The following FAM53A variants were observed in gnomAD, a reference collection of about 807,000 sequenced individuals.
FAM53A encodes family with sequence similarity 53 member A.
A neutral mutation model predicts 26.6 loss-of-function variants in FAM53A; 28 were observed. The ratio of observed to expected loss-of-function variants is 1.05; its 90% confidence interval spans 0.78 to 1.45. The LOEUF (loss-of-function observed/expected upper bound fraction) is 1.45, where lower values mean the gene tolerates loss of function less well. Ranked by LOEUF, FAM53A falls within the 40% of genes most tolerant of loss-of-function variation. FAM53A has a pLI of 0.00. For synonymous variants in FAM53A, 290 were observed against 253.1 expected (o/e 1.15, Z -1.38); for missense variants, 650 against 575.8 (o/e 1.13, Z -1.32).
chr4:1,613,327 G>A (rs1173821574), downstream of FAM53A, among the ~76,000 whole-genome samples: 7 of 152,184 alleles, frequency 4.6e-5, no homozygotes, highest in Non-Finnish European at 1.5e-5. Flanking sequence ...CTGTCACCGG[G>A]TCCTCACCCT....
the FAM53A span, among the ~76,000 whole-genome samples, chr4:1,579,348 C>T: frequency 6.6e-6 from 1 of 151,826 alleles, no homozygotes; most frequent in Non-Finnish European, 1.5e-5. Context: ...CCCCTCCCTA[C>T]CCCGGCCGCC....
intron 2 of FAM53A, among the ~76,000 whole-genome samples, chr4:1,667,924 G>C (rs774154984): frequency 2.6e-5 from 4 of 152,156 alleles, no homozygotes; most frequent in Non-Finnish European, 5.9e-5. Context: ...CACCATGACT[G>C]TAGGAAAATC....
the FAM53A span, among the ~76,000 whole-genome samples, chr4:1,576,516 G>A: frequency 6.6e-6 from 1 of 152,234 alleles, no homozygotes; most frequent in Non-Finnish European, 1.5e-5. Flanking sequence ...GTCTAATCAT[G>A]CCATCAGCAC....
chr4:1,625,763 A>G (rs13136402), intron 1 of FAM53A, among the ~76,000 whole-genome samples: 3,162 of 47,494 alleles, frequency 0.067, 30 homozygotes, highest in Middle Eastern at 0.19. Context: ...CCCGGCCCAC[A>G]TGGTCAGGGT....
chr4:1,585,670 G>C, the FAM53A span, among the ~76,000 whole-genome samples: 1 of 152,120 alleles, frequency 6.6e-6, no homozygotes, highest in Admixed American at 6.6e-5. Flanking sequence ...TCTGTGCCTA[G>C]CTTATTTTGC....
At chr4:1,643,262 C>G (rs575959656) in intron 4 of FAM53A, among the ~76,000 whole-genome samples, 12 of 152,008 alleles carry the variant, frequency 7.9e-5, no homozygotes, top group Non-Finnish European at 1.5e-4. Flanking sequence ...GTCAGGAGAT[C>G]AAGACCATCC....
At chr4:1,591,968 G>A in the FAM53A span, among the ~76,000 whole-genome samples, 1 of 152,192 alleles carries the variant, frequency 6.6e-6, no homozygotes, top group Non-Finnish European at 1.5e-5. Flanking sequence ...ACAGTGAAAC[G>A]GGAGAGTGGA....
the FAM53A span, among the ~76,000 whole-genome samples, chr4:1,580,466 G>C: frequency 2.0e-5 from 3 of 152,146 alleles, no homozygotes; most frequent in African/African-American, 7.2e-5. Context: ...CAACAAGCTA[G>C]GGAGAAAGCA....
chr4:1,625,962 A>T (rs921808443), intron 1 of FAM53A, among the ~76,000 whole-genome samples: 1 of 152,166 alleles, frequency 6.6e-6, no homozygotes, highest in African/African-American at 2.4e-5. Flanking sequence ...CTTCCCCAGG[A>T]TCCGCCCATC....
At chr4:1,652,720 ACACT>A (rs1712969663) in intron 4 of FAM53A, among the ~76,000 whole-genome samples, 1 of 148,004 alleles carries the variant, frequency 6.8e-6, no homozygotes, top group African/African-American at 2.5e-5. Flanking sequence ...CACACCACAC[ACACT>A]ACCAGAGACC....
At chr4:1,648,659 T>C (rs1393580035) in intron 4 of FAM53A, among the ~76,000 whole-genome samples, 1 of 152,154 alleles carries the variant, frequency 6.6e-6, no homozygotes, top group Non-Finnish European at 1.5e-5. Flanking sequence ...AGCGGCTGAA[T>C]TTAAGGCAAT....
chr4:1,577,902 C>T, the FAM53A span, among the ~76,000 whole-genome samples: 5 of 110,910 alleles, frequency 4.5e-5, no homozygotes, highest in African/African-American at 1.7e-4. Flanking sequence ...CGCAGGGCTG[C>T]GGGTCGGGGG....
intron 2 of FAM53A, among the ~76,000 whole-genome samples, chr4:1,658,575 C>G (rs1424547453): frequency 6.6e-6 from 1 of 152,238 alleles, no homozygotes; most frequent in East Asian, 1.9e-4. Flanking sequence ...GCAGGGTCTC[C>G]CTCCCTGGAA....
chr4:1,641,333 G>A lies in FAM53A; in HGVS notation c.1157C>T (p.Ala386Val), dbSNP rs532835490. The change falls in exon 5 of 5, where the codon GCC becomes GTC. Residue 386 changes from alanine to valine, a missense_variant. Coordinates refer to ENST00000308132, the MANE Select transcript of FAM53A (RefSeq NM_001174070.3). ...CTGCTCCAGGTCCAGCTCCCAGCGGGCCCGGGGGAAGACGCCCTCCTCCCC... is the reference window on the plus strand; with the variant it reads ...CTGCTCCAGGTCCAGCTCCCAGCGGACCCGGGGGAAGACGCCCTCCTCCCC... ...SVGEEGVFPR[A>V]RWELDLEQIE... is the part of the protein sequence containing the mutation. 32 of 1,611,820 alleles carry A rather than the reference G, an allele frequency of 2.0e-5. No individual in the cohort carries two copies. The highest frequency in any genetic ancestry group is 8.8e-5 in the South Asian group (8 of 90,890).
intron 2 of FAM53A, among the ~76,000 whole-genome samples, chr4:1,662,984 G>A (rs1031875344): frequency 3.3e-5 from 5 of 151,986 alleles, no homozygotes; most frequent in Admixed American, 1.3e-4. Context: ...CACGAGGTCA[G>A]GAGATTGAGA....
the FAM53A span, among the ~76,000 whole-genome samples, chr4:1,593,070 G>T: frequency 6.6e-6 from 1 of 152,182 alleles, no homozygotes. Flanking sequence ...ACGAGCGGGC[G>T]CAGCAGAGGG....
the FAM53A span, among the ~76,000 whole-genome samples, chr4:1,610,030 T>C: frequency 1.3e-5 from 2 of 151,990 alleles, no homozygotes; most frequent in South Asian, 4.2e-4. Context: ...AATGGACTAA[T>C]ATGGCCTCCC....
chr4:1,657,457 A>G lies in FAM53A; in HGVS notation c.87T>C (p.Ser29=). 2.5e-6 allele frequency: 4 copies of G among 1,613,838 alleles called. No homozygotes were observed. The Middle Eastern group carries it at 4.9e-4, about 200-fold the overall frequency. ...GACCGCTCTTGTTCAGGGTTTCCGCAGAATACTGCAACTGACAGGAAAGAG... is the reference window on the plus strand; with the variant it reads ...GACCGCTCTTGTTCAGGGTTTCCGCGGAATACTGCAACTGACAGGAAAGAG... The part of the protein sequence containing the change: ...CKAEAGPLQY[S]AETLNKSGRL... The change falls in exon 3 of 5, where the codon TCT becomes TCC. Residue 29 remains serine (S), a synonymous_variant. Coordinates refer to ENST00000308132, the MANE Select transcript of FAM53A (RefSeq NM_001174070.3).
At chr4:1,644,382 GAC>G (rs1712048125) in intron 4 of FAM53A, 1 of 1,530,410 alleles carries the variant, frequency 6.5e-7, no homozygotes, top group Admixed American at 2.0e-5. Flanking sequence ...GCCTCTGGAC[GAC>G]ACAGTCGGTG....
Sources: gnomAD v4.1 joint callset for allele counts (sites outside exome capture counted in the v4.1 genomes callset) on GRCh38, gnomAD v4.1.1 for gene constraint, MANE v1.5 for transcripts, NCBI Gene and HGNC (gene_info 2026-07-23, HGNC 2026-07-21) for gene names.